Variants in PAX2 observed in about 807,000 individuals in gnomAD.
PAX2 encodes paired box 2.
A neutral mutation model predicts 41.7 loss-of-function variants in PAX2; 9 were observed. The ratio of observed to expected loss-of-function variants is 0.22; its 90% CI spans 0.13 to 0.38. PAX2 has a LOEUF of 0.38. PAX2 is among the 10% of genes least tolerant of loss of function. The pLI is 1.00. For missense variants in PAX2, 418 were observed against 531.6 expected (o/e 0.79, Z 2.10); for synonymous variants, 221 against 212.7 (o/e 1.04, Z -0.34).
chr10:100,783,874 A>G (rs1231015603), intron 5 of PAX2, among the ~76,000 whole-genome samples: 2 of 152,104 alleles, frequency 1.3e-5, no homozygotes, highest in Non-Finnish European at 2.9e-5. Flanking sequence ...GTGGCAAGAC[A>G]TATCAGAGGC....
At chr10:100,770,009 C>T (rs1846158360) in intron 3 of PAX2, among the ~76,000 whole-genome samples, 1 of 152,184 alleles carries the variant, frequency 6.6e-6, no homozygotes, top group Non-Finnish European at 1.5e-5. Flanking sequence ...CTGAATTTAT[C>T]CTATAGGTGA....
At chr10:100,823,419 G>C (rs904733001) in intron 7 of PAX2, among the ~76,000 whole-genome samples, 2 of 152,198 alleles carry the variant, frequency 1.3e-5, no homozygotes, top group Non-Finnish European at 2.9e-5. Flanking sequence ...AATGCAGGGA[G>C]GTGAGGCCAT....
At chr10:100,784,036 C>T (rs1295665181) in intron 5 of PAX2, among the ~76,000 whole-genome samples, 2 of 152,168 alleles carry the variant, frequency 1.3e-5, no homozygotes, top group Non-Finnish European at 2.9e-5. Context: ...GATCCACCAG[C>T]CCCTGGTGGG....
chr10:100,829,346 G>C lies in PAX2; in HGVS notation c.*1727G>C, dbSNP rs1220729419. The C allele has an allele frequency of 1.8e-5, 4 of 219,286 alleles. No homozygotes were observed. Among genetic ancestry groups the C allele is most frequent in the Admixed American group, 1.7e-4 (3 of 17,310 alleles). The allele number at this position is 219,286 out of a possible 1,614,324, so 13.6% of individuals were successfully genotyped here. ...CGGCCTCTCTCCCCAGACCTGGCCCGGCCGCCCTGTCTCCGCAGGCTAGAT... is the reference window on the plus strand; with the variant it reads ...CGGCCTCTCTCCCCAGACCTGGCCCCGCCGCCCTGTCTCCGCAGGCTAGAT... On this transcript the variant is annotated 3_prime_UTR_variant, in exon 10 of 10. Coordinates refer to ENST00000355243, the MANE Select transcript of PAX2 (RefSeq NM_000278.5).
At chr10:100,770,901 T>C (rs955832400) in intron 3 of PAX2, among the ~76,000 whole-genome samples, 1 of 152,216 alleles carries the variant, frequency 6.6e-6, no homozygotes, top group Non-Finnish European at 1.5e-5. Context: ...AAAGGAACTT[T>C]CTTAACTCAC....
chr10:100,771,751 T>C (rs907952911), intron 3 of PAX2, among the ~76,000 whole-genome samples: 1 of 152,178 alleles, frequency 6.6e-6, no homozygotes, highest in Non-Finnish European at 1.5e-5. Flanking sequence ...AAGACTTGTG[T>C]TGAAGCAATA....
intron 7 of PAX2, among the ~76,000 whole-genome samples, chr10:100,812,964 G>T (rs531103516): frequency 6.6e-6 from 1 of 152,330 alleles, no homozygotes; most frequent in South Asian, 2.1e-4. Context: ...CACTTTGGAA[G>T]GAGAAGAAAT....
upstream of PAX2, among the ~76,000 whole-genome samples, chr10:100,743,892 G>A (rs1044421083): frequency 5.9e-5 from 9 of 152,344 alleles, no homozygotes; most frequent in Admixed American, 5.2e-4. Context: ...GGGAGGGGCA[G>A]GCGGTGAGGA....
Position 100,745,945 on chromosome 10 carries a change from G to T in PAX2, c.-316G>T. The T allele has an allele frequency of 7.9e-7, 1 of 1,273,142 alleles. No homozygotes were observed. The highest frequency in any genetic ancestry group is 9.9e-7 in the Non-Finnish European group (1 of 1,009,456). 78.9% of individuals were successfully genotyped at this position (1,273,142 alleles called of 1,614,324 possible). ...CCGCCCAGCTTCAGCCCTGGCTGCA[G>T]CTGCAGCGCGAGCCATGCGCCCCCA... On this transcript the variant is annotated 5_prime_UTR_variant, in exon 1 of 10. Transcript: ENST00000355243.
In PAX2 at chr10:100,746,271, A is replaced by C. The variant is rs1401936541; in HGVS notation, c.11A>C (p.His4Pro). The C allele has an allele frequency of 6.2e-7, 1 of 1,612,748 alleles. No individual in the cohort carries two copies. The highest frequency in any genetic ancestry group is 1.1e-5 in the South Asian group (1 of 91,060). The change falls in exon 1 of 10, where the codon CAC becomes CCC. Residue 4 changes from histidine (H) to proline (P), a missense_variant. By Grantham distance (77) the His-to-Pro change is moderately conservative. Coordinates refer to ENST00000355243, the MANE Select transcript of PAX2 (RefSeq NM_000278.5). The part of the protein sequence containing the change: MDM[H>P]CKADPFSAMH... The stretch of plus-strand genomic sequence containing the variant: ...CTCCTCTGCCTCCCCATGGATATGC[A>C]CTGCAAAGCAGACCCCTTCTCCGCG...
intron 5 of PAX2, among the ~76,000 whole-genome samples, chr10:100,788,484 G>A (rs958221186): frequency 3.9e-5 from 6 of 152,378 alleles, no homozygotes; most frequent in African/African-American, 1.2e-4. Flanking sequence ...CTCGGGTGCA[G>A]CCTGCCATGT....
intron 5 of PAX2, among the ~76,000 whole-genome samples, chr10:100,804,905 TTCTG>T (rs1329989487): frequency 6.6e-6 from 1 of 152,070 alleles, no homozygotes; most frequent in East Asian, 1.9e-4. Flanking sequence ...TTGAAGCTGC[TTCTG>T]TCTGTCTTCT....
At chr10:100,756,355 C>T (rs1407965659) in intron 3 of PAX2, among the ~76,000 whole-genome samples, 1 of 152,152 alleles carries the variant, frequency 6.6e-6, no homozygotes. Context: ...TCTATCTTCA[C>T]CCCCTCCTTG....
At chr10:100,815,736 T>C (rs1206311566) in intron 7 of PAX2, among the ~76,000 whole-genome samples, 1 of 152,178 alleles carries the variant, frequency 6.6e-6, no homozygotes, top group Admixed American at 6.5e-5. Context: ...GAGGCCCTAA[T>C]CCACTGTCGG....
chr10:100,799,600 G>A (rs371734360), intron 5 of PAX2, among the ~76,000 whole-genome samples: 9 of 152,126 alleles, frequency 5.9e-5, no homozygotes, highest in Admixed American at 2.6e-4. Context: ...CTTCCTAGCT[G>A]TGCAGTGTTG....
chr10:100,750,031 C>G lies in PAX2; in HGVS notation c.212+117C>G. On this transcript the variant is annotated intron_variant, in intron 2 of 9. Coordinates refer to ENST00000355243, the MANE Select transcript of PAX2 (RefSeq NM_000278.5). The surrounding 1 kb of genome is among the most constrained non-coding windows in gnomAD (Gnocchi z 4.1). The stretch of plus-strand genomic sequence containing the variant: ...CGTGCCAAGCCAGAGAGGGAGATCC[C>G]CAAAGGGGTCTGGAGAGGTGCTCCT... 1 of 1,207,138 alleles carries G rather than the reference C, an allele frequency of 8.3e-7. No individual in the cohort carries two copies. The highest frequency in any genetic ancestry group is 1.4e-5 in the South Asian group (1 of 72,518). 74.8% of individuals were successfully genotyped at this position (1,207,138 alleles called of 1,614,324 possible).
In PAX2 at chr10:100,827,606, A is replaced by T. The variant is rs1372178950; in HGVS notation, c.1172A>T (p.Tyr391Phe). 6.2e-7 allele frequency: 1 copy of T among 1,613,306 alleles called. No individual in the cohort carries two copies. The highest frequency in any genetic ancestry group is 1.1e-5 in the South Asian group (1 of 91,032). Residue 391 changes from tyrosine (Y) to phenylalanine (F), a missense_variant, in exon 10 of 10, where the codon TAT (tyrosine) becomes TTT (phenylalanine). Coordinates refer to ENST00000355243, the MANE Select transcript of PAX2 (RefSeq NM_000278.5). The surrounding 1 kb of genome is among the most constrained non-coding windows in gnomAD (Gnocchi z 8.5). ...GSAPAAAAAA[Y>F]DRH ...GCCCCTGCCGCTGCTGCCGCTGCCT[A>T]TGACCGCCACTAGTTACCGCGGGGA...
intron 5 of PAX2, among the ~76,000 whole-genome samples, chr10:100,797,511 T>C (rs1317088340): frequency 6.6e-6 from 1 of 152,250 alleles, no homozygotes. Flanking sequence ...AGTTAATATA[T>C]GTAAGATTAT....
Position 100,791,733 on chromosome 10 carries a change from T to C in PAX2, c.616+10368T>C, listed in dbSNP as rs1847128624. Among the ~76,000 whole-genome samples, 1 of 152,112 alleles carries C rather than the reference T, an allele frequency of 6.6e-6. No homozygotes were observed. Among genetic ancestry groups the C allele is most frequent in the Admixed American group, 6.5e-5 (1 of 15,280 alleles). ...GGATGGAGGGATGGGGACAGTAGGT[T>C]TGGTAGGAGTGACTCCAGGAGCCGT... On this transcript the variant is annotated intron_variant, in intron 5 of 9. Transcript: ENST00000355243. The surrounding 1 kb of genome is among the most constrained non-coding windows in gnomAD (Gnocchi z 4.5).
Sources: gnomAD v4.1 joint callset for allele counts (sites outside exome capture counted in the v4.1 genomes callset) on GRCh38, gnomAD v4.1.1 for gene constraint, Gnocchi (gnomAD v3.1) non-coding constraint, MANE v1.5 for transcripts, NCBI Gene and HGNC (gene_info 2026-07-23, HGNC 2026-07-21) for gene names.